ZFPM2: variants seen among roughly 807,000 people sequenced by gnomAD.
The protein encoded by ZFPM2 is zinc finger protein ZFPM2.
ZFPM2 carries 20 observed loss-of-function variants against 98.6 expected under a neutral mutation model. The observed-to-expected ratio is 0.20, with a 90% CI of 0.14 to 0.29. The LOEUF (loss-of-function observed/expected upper bound fraction) is 0.29, where lower values mean the gene tolerates loss of function less well. ZFPM2 is among the 10% of genes least tolerant of loss of function. The pLI is 1.00. For missense variants in ZFPM2, 1,310 were observed against 1,388.6 expected (o/e 0.94, Z 0.90); for synonymous variants, 518 against 502.7 (o/e 1.03, Z -0.41).
intron 5 of ZFPM2, among the ~76,000 whole-genome samples, chr8:105,748,351 A>T (rs1014368021): frequency 6.6e-6 from 1 of 152,084 alleles, no homozygotes; most frequent in African/African-American, 2.4e-5. Flanking sequence ...TCTGAAAGAG[A>T]ATACATATTG....
intron 6 of ZFPM2, among the ~76,000 whole-genome samples, chr8:105,790,024 A>G (rs1196405790): frequency 1.3e-5 from 2 of 151,516 alleles, no homozygotes; most frequent in Non-Finnish European, 3.0e-5. Context: ...ATTTTCTCCC[A>G]TTTTGTAGGT....
At chr8:105,449,139 A>G (rs1812437168) in intron 3 of ZFPM2, among the ~76,000 whole-genome samples, 2 of 152,036 alleles carry the variant, frequency 1.3e-5, no homozygotes, top group Admixed American at 1.3e-4. Context: ...TTATTAAAAC[A>G]TGGTTACTAC....
At chr8:105,668,258 A>C (rs1055988398) in intron 5 of ZFPM2, among the ~76,000 whole-genome samples, 1 of 152,204 alleles carries the variant, frequency 6.6e-6, no homozygotes, top group African/African-American at 2.4e-5. Flanking sequence ...TCTTTAATTC[A>C]TTCAAAATAA....
chr8:105,552,642 T>C (rs534910286), intron 3 of ZFPM2, among the ~76,000 whole-genome samples: 2 of 108,936 alleles, frequency 1.8e-5, no homozygotes, highest in Non-Finnish European at 3.5e-5. Flanking sequence ...TGGGATGGGC[T>C]GTTTCTTCCT....
At chr8:105,504,397 A>G (rs1186339161) in intron 3 of ZFPM2, among the ~76,000 whole-genome samples, 1 of 152,156 alleles carries the variant, frequency 6.6e-6, no homozygotes, top group Non-Finnish European at 1.5e-5. Context: ...CATGATTGGG[A>G]ACTTCCTAGT....
chr8:105,643,318 G>A lies in ZFPM2; in HGVS notation c.532+8961G>A, dbSNP rs1180518679. Among the ~76,000 whole-genome samples the A allele has an allele frequency of 3.9e-5, 6 of 152,180 alleles. 1 individual carries two copies. In the South Asian group the frequency reaches 1.0e-3, roughly 26 times the overall value. ...GCAATCTACTCACTGCATCACCATC[G>A]TTTTCCTATCAGCCCCTCCCATGCT... On this transcript the variant is annotated intron_variant, in intron 5 of 7. Transcript: ENST00000407775.
intron 4 of ZFPM2, among the ~76,000 whole-genome samples, chr8:105,619,588 G>T (rs1425276738): frequency 6.6e-6 from 1 of 151,752 alleles, no homozygotes; most frequent in East Asian, 1.9e-4. Context: ...CAATGTGCAG[G>T]TTTGTTACAT....
At chr8:105,339,272 C>A (rs182438777) in intron 1 of ZFPM2, among the ~76,000 whole-genome samples, 22 of 151,852 alleles carry the variant, frequency 1.4e-4, no homozygotes, top group Admixed American at 1.3e-3. Flanking sequence ...TCTGTTGTTC[C>A]ATCTTTTTTT....
chr8:105,637,723 C>G (rs1030696800), intron 5 of ZFPM2, among the ~76,000 whole-genome samples: 1 of 152,052 alleles, frequency 6.6e-6, no homozygotes, highest in African/African-American at 2.4e-5. Flanking sequence ...CCGGGAGGCA[C>G]TCCTACTCGT....
At chr8:105,545,785 G>A (rs1814682457) in intron 3 of ZFPM2, among the ~76,000 whole-genome samples, 1 of 152,118 alleles carries the variant, frequency 6.6e-6, no homozygotes, top group South Asian at 2.1e-4. Context: ...AAAATCTAAT[G>A]GCAGCCAGTA....
intron 1 of ZFPM2, among the ~76,000 whole-genome samples, chr8:105,347,944 A>G (rs1812569893): frequency 6.6e-6 from 1 of 152,218 alleles, no homozygotes; most frequent in Admixed American, 6.5e-5. Flanking sequence ...TGTTGAAATC[A>G]CAGGCTATTC....
At chr8:105,450,639 A>G (rs751821969) in intron 3 of ZFPM2, among the ~76,000 whole-genome samples, 19 of 152,178 alleles carry the variant, frequency 1.2e-4, no homozygotes, top group South Asian at 8.3e-4. Context: ...TACCACTATA[A>G]TGAACCATCA....
At chr8:105,453,263 T>C (rs1812522538) in intron 3 of ZFPM2, among the ~76,000 whole-genome samples, 1 of 151,948 alleles carries the variant, frequency 6.6e-6, no homozygotes, top group East Asian at 1.9e-4. Flanking sequence ...CTTCAGAGAG[T>C]GTATGTTCTA....
chr8:105,749,197 A>T (rs546710842), intron 5 of ZFPM2, among the ~76,000 whole-genome samples: 1 of 152,204 alleles, frequency 6.6e-6, no homozygotes, highest in South Asian at 2.1e-4. Flanking sequence ...TTGTGTAAAG[A>T]TGGTTTCATC....
chr8:105,618,410 T>C (rs1816464320), intron 4 of ZFPM2, among the ~76,000 whole-genome samples: 2 of 152,138 alleles, frequency 1.3e-5, no homozygotes, highest in Non-Finnish European at 2.9e-5. Flanking sequence ...ATCTCTTTCA[T>C]AGAATTGTTG....
At chr8:105,577,675 A>G (rs1459049659) in intron 4 of ZFPM2, among the ~76,000 whole-genome samples, 1 of 151,734 alleles carries the variant, frequency 6.6e-6, no homozygotes, top group South Asian at 2.1e-4. Context: ...AGTGTAGAGC[A>G]TTTCATCTGT....
At chr8:105,791,588 G>C (rs1813613381) in intron 6 of ZFPM2, among the ~76,000 whole-genome samples, 1 of 152,282 alleles carries the variant, frequency 6.6e-6, no homozygotes, top group East Asian at 1.9e-4. Context: ...TTGGTATCAG[G>C]ATGATGCTGG....
chr8:105,645,961 G>T (rs954520756), intron 5 of ZFPM2, among the ~76,000 whole-genome samples: 4 of 151,598 alleles, frequency 2.6e-5, no homozygotes, highest in Admixed American at 2.6e-4. Context: ...GCTGAGATGG[G>T]AGAATCGCTT....
chr8:105,717,975 G>A (rs1055447587), intron 5 of ZFPM2, among the ~76,000 whole-genome samples: 8 of 151,816 alleles, frequency 5.3e-5, no homozygotes, highest in African/African-American at 1.7e-4. Flanking sequence ...TCCTACTACC[G>A]AGAGACTGAG....
Sources: allele counts gnomAD v4.1 joint callset (sites outside exome capture counted in the v4.1 genomes callset), GRCh38; gene constraint gnomAD v4.1.1; transcripts MANE v1.5; gene names NCBI Gene and HGNC (gene_info 2026-07-23, HGNC 2026-07-21).